ZNF385B: variants seen among roughly 807,000 people sequenced by gnomAD.
ZNF385B encodes zinc finger protein 533.
A neutral mutation model predicts 39.2 loss-of-function variants in ZNF385B; 23 were observed. That is an observed-to-expected ratio of 0.59 (90% CI 0.42 to 0.83). The LOEUF (loss-of-function observed/expected upper bound fraction) is 0.83, where lower values mean the gene tolerates loss of function less well. Ranked by LOEUF, ZNF385B falls within the 40% of genes least tolerant of loss-of-function variation. ZNF385B has a pLI of 0.00. For synonymous variants in ZNF385B, 205 were observed against 222.6 expected (o/e 0.92, Z 0.70); for missense variants, 552 against 598.9 (o/e 0.92, Z 0.82).
intron 5 of ZNF385B, among the ~76,000 whole-genome samples, chr2:179,493,318 T>C (rs1346033743): frequency 6.6e-6 from 1 of 151,920 alleles, no homozygotes; most frequent in Non-Finnish European, 1.5e-5. Flanking sequence ...GCATATGGCA[T>C]GTATATGTGT....
At chr2:179,629,712 G>A (rs1214372238) in intron 3 of ZNF385B, among the ~76,000 whole-genome samples, 2 of 152,170 alleles carry the variant, frequency 1.3e-5, no homozygotes, top group African/African-American at 2.4e-5. Flanking sequence ...GCAGGGTGGG[G>A]CATCACCTCA....
intron 3 of ZNF385B, among the ~76,000 whole-genome samples, chr2:179,576,483 TCTGA>T (rs1476111411): frequency 1.3e-5 from 2 of 152,178 alleles, no homozygotes; most frequent in African/African-American, 4.8e-5. Context: ...TGGTCATAAA[TCTGA>T]CTATTTCTAT....
In ZNF385B at chr2:179,443,256, C is replaced by T. The variant is rs758213417; in HGVS notation, c.1455G>A (p.Pro485=). The T allele has an allele frequency of 4.0e-5, 64 of 1,612,148 alleles. No individual in the cohort carries two copies. In the East Asian group the frequency reaches 4.2e-4, roughly 11 times the overall value. The change falls in exon 10 of 10, where the codon CCG becomes CCA. Residue 485 remains proline (P), a synonymous_variant. Transcript: ENST00000410066. The stretch of plus-strand genomic sequence containing the variant: ...GTCTTGGGGTTTGCAGACGTTAGTA[C>T]GGAGCAAAGAGGATGGAGGCAGGAG... The part of the protein sequence containing the change: ...RATPASILFA[P]Y
chr2:179,520,161 G>A (rs1013573081), intron 4 of ZNF385B, among the ~76,000 whole-genome samples: 1 of 151,442 alleles, frequency 6.6e-6, no homozygotes, highest in African/African-American at 2.4e-5. Flanking sequence ...GCAAGACCCT[G>A]TCTCCATCTT....
chr2:179,653,535 C>T (rs1693415230), intron 3 of ZNF385B, among the ~76,000 whole-genome samples: 1 of 152,170 alleles, frequency 6.6e-6, no homozygotes, highest in Admixed American at 6.5e-5. Context: ...CTAAACCTGT[C>T]CACATCTCTG....
chr2:179,453,757 T>G (rs372438080), intron 6 of ZNF385B, among the ~76,000 whole-genome samples: 2 of 152,278 alleles, frequency 1.3e-5, no homozygotes, highest in African/African-American at 4.8e-5. Flanking sequence ...GTAAGAAGTC[T>G]GATCACTAGG....
At chr2:179,595,843 G>T (rs995133379) in intron 3 of ZNF385B, among the ~76,000 whole-genome samples, 4 of 150,762 alleles carry the variant, frequency 2.7e-5, no homozygotes, top group Admixed American at 2.6e-4. Flanking sequence ...GTGAGACCCT[G>T]TCTAAAAAAA....
intron 1 of ZNF385B, among the ~76,000 whole-genome samples, chr2:179,843,379 C>T (rs1288433363): frequency 1.3e-5 from 2 of 152,160 alleles, no homozygotes; most frequent in African/African-American, 2.4e-5. Flanking sequence ...CTTCTTTCTT[C>T]GTACCTTCCT....
chr2:179,815,987 C>T (rs941535338), intron 1 of ZNF385B, among the ~76,000 whole-genome samples: 4 of 151,914 alleles, frequency 2.6e-5, no homozygotes, highest in African/African-American at 7.3e-5. Flanking sequence ...TGTTTGTACA[C>T]TGACAACTTA....
intron 1 of ZNF385B, among the ~76,000 whole-genome samples, chr2:179,804,472 T>A (rs1339633891): frequency 6.6e-6 from 1 of 152,160 alleles, no homozygotes; most frequent in Non-Finnish European, 1.5e-5. Context: ...GTTTTCATGA[T>A]CTACAGGAGC....
chr2:179,508,568 A>G (rs1207129182), intron 5 of ZNF385B, among the ~76,000 whole-genome samples: 1 of 152,238 alleles, frequency 6.6e-6, no homozygotes, highest in African/African-American at 2.4e-5. Context: ...TACACAGGAA[A>G]AAAGAAAACC....
At chr2:179,758,464 C>T (rs1703179280) in intron 3 of ZNF385B, among the ~76,000 whole-genome samples, 1 of 152,254 alleles carries the variant, frequency 6.6e-6, no homozygotes, top group Non-Finnish European at 1.5e-5. Context: ...GAGCACTAAT[C>T]CCATTCATAA....
intron 1 of ZNF385B, among the ~76,000 whole-genome samples, chr2:179,785,496 G>A (rs1310805039): frequency 1.3e-5 from 2 of 152,070 alleles, no homozygotes; most frequent in East Asian, 3.8e-4. Flanking sequence ...TTGCCATTTC[G>A]ATGCCATTAA....
intron 1 of ZNF385B, among the ~76,000 whole-genome samples, chr2:179,853,038 A>G (rs1684307453): frequency 6.6e-6 from 1 of 152,228 alleles, no homozygotes; most frequent in African/African-American, 2.4e-5. Flanking sequence ...CCATACATGC[A>G]GTAATGAGGT....
At chr2:179,644,231 G>A (rs1051189692) in intron 3 of ZNF385B, among the ~76,000 whole-genome samples, 2 of 152,102 alleles carry the variant, frequency 1.3e-5, no homozygotes, top group East Asian at 3.9e-4. Context: ...CGCTTTGTTA[G>A]TGCCACCAGC....
chr2:179,600,120 T>A (rs2887110), intron 3 of ZNF385B, among the ~76,000 whole-genome samples: 23,677 of 152,250 alleles, frequency 0.16, 2,205 homozygotes, highest in East Asian at 0.24. Context: ...CTAAATGATG[T>A]CTGATTCTTC....
chr2:179,453,422 C>A (rs1334247101), intron 6 of ZNF385B, among the ~76,000 whole-genome samples: 2 of 152,052 alleles, frequency 1.3e-5, no homozygotes, highest in African/African-American at 4.8e-5. Context: ...CCTGTCCAGG[C>A]CTTATAAAGT....
chr2:179,738,978 A>T (rs954331471), intron 3 of ZNF385B, among the ~76,000 whole-genome samples: 1 of 152,206 alleles, frequency 6.6e-6, no homozygotes, highest in African/African-American at 2.4e-5. Context: ...ATCAACAAAG[A>T]CTTTGTTAAA....
chr2:179,597,795 C>T (rs1353691327), intron 3 of ZNF385B, among the ~76,000 whole-genome samples: 1 of 152,068 alleles, frequency 6.6e-6, no homozygotes, highest in Non-Finnish European at 1.5e-5. Context: ...AATATTATTG[C>T]CCCATAAGTC....
Sources: allele counts gnomAD v4.1 joint callset (sites outside exome capture counted in the v4.1 genomes callset), GRCh38; gene constraint gnomAD v4.1.1; transcripts MANE v1.5; gene names NCBI Gene and HGNC (gene_info 2026-07-23, HGNC 2026-07-21).